The following CLSTN2 variants were observed in gnomAD, a reference collection of about 807,000 sequenced individuals.
CLSTN2 encodes calsyntenin-2.
In CLSTN2, 48 loss-of-function variants were observed where a neutral mutation model predicts 101.2. That is an observed-to-expected ratio of 0.47 (90% CI 0.38 to 0.60). CLSTN2 has a LOEUF of 0.60. Ranked by LOEUF, CLSTN2 falls within the 20% of genes least tolerant of loss-of-function variation. The pLI is 0.00. For missense variants in CLSTN2, 1,160 were observed against 1,238.2 expected, an observed-to-expected ratio of 0.94 and a Z score of 0.95; for synonymous variants, 481 against 463.6, an observed-to-expected ratio of 1.04 and a Z score of -0.48.
intron 2 of CLSTN2, among the ~76,000 whole-genome samples, chr3:140,192,126 G>A (rs1259987638): frequency 6.6e-6 from 1 of 151,882 alleles, no homozygotes; most frequent in African/African-American, 2.4e-5. Flanking sequence ...AATGTTTGGA[G>A]ATTGTCCTGT....
At chr3:140,003,344 C>T (rs28859609) in intron 1 of CLSTN2, among the ~76,000 whole-genome samples, 7,004 of 152,002 alleles carry the variant, frequency 0.046, 417 homozygotes, top group East Asian at 0.32. Flanking sequence ...ATTTATTTTT[C>T]GTATTGTTCA....
intron 2 of CLSTN2, among the ~76,000 whole-genome samples, chr3:140,203,835 A>C (rs1345330886): frequency 2.0e-5 from 3 of 152,194 alleles, no homozygotes; most frequent in Non-Finnish European, 4.4e-5. Flanking sequence ...GATTTTGCTT[A>C]AGGTAGAACC....
intron 3 of CLSTN2, 81 bp from the exon 4 acceptor site, chr3:140,404,477 A>C: frequency 7.6e-7 from 1 of 1,311,902 alleles, no homozygotes; most frequent in Admixed American, 1.8e-5. Flanking sequence ...TTGGGACCTC[A>C]GTCAGTGCCC....
chr3:140,158,798 C>A (rs1392942374), intron 1 of CLSTN2, among the ~76,000 whole-genome samples: 1 of 152,096 alleles, frequency 6.6e-6, no homozygotes, highest in Non-Finnish European at 1.5e-5. Context: ...GCTGCAGTAA[C>A]CAAAACAGCA....
Position 140,083,160 on chromosome 3 carries a change from G to GT in CLSTN2, c.110-92785dup, listed in dbSNP as rs147272041. On this transcript the variant is annotated intron_variant, in intron 1 of 16. Coordinates refer to ENST00000458420, the MANE Select transcript of CLSTN2 (RefSeq NM_022131.3). ...ATTCTTCTGTTATAGCATTTATTACGTTTTTTGCTGATTTGTTTGTATGAT... is the reference window on the plus strand; with the variant it reads ...ATTCTTCTGTTATAGCATTTATTACGTTTTTTTGCTGATTTGTTTGTATGAT... Among the ~76,000 whole-genome samples the GT allele has an allele frequency of 6.9e-3, 1,048 of 152,162 alleles. 11 individuals are homozygous for GT. Among genetic ancestry groups the GT allele is most frequent in the African/African-American group, 0.024 (990 of 41,500 alleles).
At chr3:140,513,787 C>A (rs552020582) in intron 8 of CLSTN2, among the ~76,000 whole-genome samples, 2 of 151,778 alleles carry the variant, frequency 1.3e-5, no homozygotes, top group Non-Finnish European at 2.9e-5. Flanking sequence ...GGTTGGTAGG[C>A]TATTTATTAC....
intron 2 of CLSTN2, among the ~76,000 whole-genome samples, chr3:140,179,894 G>A (rs2010382339): frequency 6.6e-6 from 1 of 151,918 alleles, no homozygotes; most frequent in Admixed American, 6.6e-5. Context: ...ATTTTAGTTG[G>A]CCAAACATTT....
intron 2 of CLSTN2, among the ~76,000 whole-genome samples, chr3:140,207,538 A>G (rs987156719): frequency 5.3e-5 from 8 of 152,210 alleles, no homozygotes; most frequent in Admixed American, 4.6e-4. Context: ...ATAAGATGAC[A>G]TTTGTGAACA....
At chr3:140,411,081 G>C (rs961267661) in intron 4 of CLSTN2, among the ~76,000 whole-genome samples, 13 of 152,144 alleles carry the variant, frequency 8.5e-5, no homozygotes, top group Non-Finnish European at 8.8e-5. Flanking sequence ...ATTAAGTCTT[G>C]ACCTATCAAT....
chr3:140,203,106 G>A (rs1469417815), intron 2 of CLSTN2, among the ~76,000 whole-genome samples: 2 of 152,116 alleles, frequency 1.3e-5, no homozygotes, highest in African/African-American at 2.4e-5. Flanking sequence ...ATGTGTCGTG[G>A]GCAAGAAACC....
chr3:140,104,707 C>G (rs1414391978), intron 1 of CLSTN2, among the ~76,000 whole-genome samples: 31 of 152,242 alleles, frequency 2.0e-4, no homozygotes. Flanking sequence ...GATATGGTGG[C>G]TCATGCCTAT....
chr3:140,564,542 C>T (rs1043947768), intron 16 of CLSTN2, among the ~76,000 whole-genome samples: 4 of 152,198 alleles, frequency 2.6e-5, no homozygotes, highest in African/African-American at 9.6e-5. Flanking sequence ...TTGCTCTACA[C>T]TGCCTGAAGA....
intron 2 of CLSTN2, among the ~76,000 whole-genome samples, chr3:140,396,836 G>T (rs1338861792): frequency 2.0e-5 from 3 of 152,198 alleles, no homozygotes; most frequent in Admixed American, 1.3e-4. Flanking sequence ...CATGTTTTTA[G>T]CATCAGGAGC....
chr3:140,516,550 A>ATTTTTTT (rs111255841), intron 8 of CLSTN2, among the ~76,000 whole-genome samples: 1 of 142,798 alleles, frequency 7.0e-6, no homozygotes, highest in Non-Finnish European at 1.6e-5. Flanking sequence ...TTCTTTTGGC[A>ATTTTTTT]TTTTTTTTTT....
At chr3:140,054,960 G>T (rs1002500615) in intron 1 of CLSTN2, among the ~76,000 whole-genome samples, 1 of 152,166 alleles carries the variant, frequency 6.6e-6, no homozygotes, top group African/African-American at 2.4e-5. Flanking sequence ...TCAGAAACCT[G>T]ACTATTTATG....
At chr3:140,534,424 G>A (rs1935320536) in intron 9 of CLSTN2, among the ~76,000 whole-genome samples, 1 of 152,096 alleles carries the variant, frequency 6.6e-6, no homozygotes, top group Admixed American at 6.6e-5. Context: ...CCCAGAGTGG[G>A]GAAGTAGCCC....
In CLSTN2 at chr3:140,419,343, C is replaced by T. The variant is rs549049850; in HGVS notation, c.638-1782C>T. The stretch of plus-strand genomic sequence containing the variant: ...ACAAAAAACACAAAAATTAGCCAGG[C>T]GTGGTGGCATATACCTATAGTCCCA... On this transcript the variant is annotated intron_variant, in intron 4 of 16. Transcript: ENST00000458420. Among the ~76,000 whole-genome samples the T allele has an allele frequency of 4.3e-3, 640 of 148,610 alleles. 20 individuals are homozygous for T. The highest frequency in any genetic ancestry group is 1.5e-3 in the Non-Finnish European group (98 of 67,522).
intron 2 of CLSTN2, among the ~76,000 whole-genome samples, chr3:140,291,896 C>G (rs1482476697): frequency 6.6e-6 from 1 of 151,982 alleles, no homozygotes; most frequent in African/African-American, 2.4e-5. Flanking sequence ...GAAAACTTGT[C>G]TCAAACTGGT....
chr3:140,017,461 C>A (rs1345385882), intron 1 of CLSTN2, among the ~76,000 whole-genome samples: 1 of 152,198 alleles, frequency 6.6e-6, no homozygotes, highest in Non-Finnish European at 1.5e-5. Context: ...ATAACACCTG[C>A]CACTGACCTT....
Sources: gnomAD v4.1 joint callset for allele counts (sites outside exome capture counted in the v4.1 genomes callset) on GRCh38, gnomAD v4.1.1 for gene constraint, MANE v1.5 for transcripts, NCBI Gene and HGNC (gene_info 2026-07-23, HGNC 2026-07-21) for gene names.